Variants in WDR19 observed in about 807,000 individuals in gnomAD.
The protein encoded by WDR19 is WD repeat-containing protein 19.
WDR19 carries 121 observed loss-of-function variants against 180.0 expected under a neutral mutation model. The observed-to-expected ratio is 0.67, with a 90% CI of 0.58 to 0.78. WDR19 has a LOEUF of 0.78. Ranked by LOEUF, WDR19 falls within the 30% of genes least tolerant of loss-of-function variation. The probability of loss-of-function intolerance (pLI) is 0.00; values close to 1 mark genes in which losing one functional copy is unlikely to be tolerated. For missense variants in WDR19, 1,450 were observed against 1,640.7 expected (o/e 0.88, Z 2.01); for synonymous variants, 497 against 540.7 (o/e 0.92, Z 1.12).
At chr4:39,243,928 A>G (rs1231303969) in intron 21 of WDR19, among the ~76,000 whole-genome samples, 1 of 152,208 alleles carries the variant, frequency 6.6e-6, no homozygotes, top group Non-Finnish European at 1.5e-5. Flanking sequence ...AATTTTATTC[A>G]TAGCATTTAT....
chr4:39,256,430 G>A (rs7681071), intron 27 of WDR19, among the ~76,000 whole-genome samples: 2,512 of 152,254 alleles, frequency 0.016, 53 homozygotes, highest in African/African-American at 0.056. Context: ...AGGGACTACT[G>A]AATGGCACAT....
At chr4:39,242,604 C>T (rs1732072726) in intron 21 of WDR19, among the ~76,000 whole-genome samples, 1 of 152,122 alleles carries the variant, frequency 6.6e-6, no homozygotes, top group African/African-American at 2.4e-5. Flanking sequence ...GGGAGGAATG[C>T]TTGACACCAG....
intron 28 of WDR19, among the ~76,000 whole-genome samples, chr4:39,260,029 C>T (rs1474819307): frequency 1.3e-5 from 2 of 151,884 alleles, no homozygotes; most frequent in African/African-American, 4.8e-5. Flanking sequence ...TTTCATCTCC[C>T]TTCCCCTCCC....
At chr4:39,200,978 A>G (rs561372079) in intron 6 of WDR19, among the ~76,000 whole-genome samples, 10 of 152,326 alleles carry the variant, frequency 6.6e-5, no homozygotes, top group African/African-American at 2.2e-4. Context: ...TCTCTCAAAG[A>G]TAGAAGGCTA....
chr4:39,280,002 C>T (rs190498058), intron 36 of WDR19, among the ~76,000 whole-genome samples: 125 of 151,820 alleles, frequency 8.2e-4, no homozygotes, highest in African/African-American at 2.9e-3. Context: ...CACACCCAGC[C>T]GGGTGTTTGT....
intron 4 of WDR19, among the ~76,000 whole-genome samples, chr4:39,191,031 T>G (rs894949060): frequency 3.9e-5 from 6 of 152,238 alleles, no homozygotes; most frequent in Admixed American, 3.3e-4. Flanking sequence ...TGTCTGTTTC[T>G]CCACATCATC....
chr4:39,184,073 T>A (rs1725258673), intron 1 of WDR19, among the ~76,000 whole-genome samples: 1 of 152,200 alleles, frequency 6.6e-6, no homozygotes, highest in Non-Finnish European at 1.5e-5. Context: ...ATAGCCCACC[T>A]CTACTTTCAA....
At chr4:39,234,138 A>G (rs1240253077) in intron 19 of WDR19, among the ~76,000 whole-genome samples, 2 of 152,232 alleles carry the variant, frequency 1.3e-5, no homozygotes, top group Non-Finnish European at 1.5e-5. Context: ...CCCCTAGAAC[A>G]GTATCTGGCA....
At chr4:39,203,991 G>C (rs912483611) in intron 7 of WDR19, among the ~76,000 whole-genome samples, 2 of 152,196 alleles carry the variant, frequency 1.3e-5, no homozygotes, top group African/African-American at 4.8e-5. Context: ...GGGGTACCTT[G>C]CAGAACAGAA....
In WDR19 at chr4:39,202,195, T is replaced by A. The variant is rs180853651; in HGVS notation, c.523-1447T>A. On this transcript the variant is annotated intron_variant, in intron 6 of 36. Coordinates refer to ENST00000399820, the MANE Select transcript of WDR19 (RefSeq NM_025132.4). The stretch of plus-strand genomic sequence containing the variant: ...GTCTCTTAATCTCTCCTCTTCATAG[T>A]TTTATCTTTTTATCACTCTGCAACC... 9.2e-5 allele frequency among the ~76,000 whole-genome samples: 14 copies of A among 152,302 alleles called. No individual in the cohort carries two copies. In the East Asian group the frequency reaches 2.7e-3, roughly 29 times the overall value.
At chr4:39,217,741 A>G (rs1729214769) in intron 13 of WDR19, among the ~76,000 whole-genome samples, 1 of 152,160 alleles carries the variant, frequency 6.6e-6, no homozygotes, top group Non-Finnish European at 1.5e-5. Context: ...TAGGAAGACA[A>G]AGAGATTAAC....
rs377721946 is a variant in WDR19, at chr4:39,244,049, C to T, written c.2422-199C>T. On this transcript the variant is annotated intron_variant, in intron 21 of 36. Coordinates refer to ENST00000399820, the MANE Select transcript of WDR19 (RefSeq NM_025132.4). ...AAAGTTGATCTAGGCTTTCGCAGAA[C>T]AAAATATAATTTTGTAATAGCTGGG... 6.6e-5 allele frequency among the ~76,000 whole-genome samples: 10 copies of T among 151,462 alleles called. No individual in the cohort carries two copies. The East Asian group carries it at 1.5e-3, about 23-fold the overall frequency.
intron 5 of WDR19, among the ~76,000 whole-genome samples, chr4:39,198,455 G>A (rs1324450786): frequency 2.0e-5 from 3 of 152,134 alleles, no homozygotes; most frequent in Non-Finnish European, 4.4e-5. Context: ...CTGCTACTGG[G>A]GAGGCTGAGG....
chr4:39,205,312 G>A, intron 8 of WDR19, 46 bp downstream of exon 8: 1 of 1,436,360 alleles, frequency 7.0e-7, no homozygotes, highest in Non-Finnish European at 9.6e-7. Context: ...ATTACAGAAG[G>A]ACATCTGTAG....
intron 20 of WDR19, among the ~76,000 whole-genome samples, chr4:39,235,089 G>A (rs1731246811): frequency 6.6e-6 from 1 of 151,918 alleles, no homozygotes; most frequent in African/African-American, 2.4e-5. Context: ...ATCTAAGTCT[G>A]GATCTAAGCT....
At chr4:39,278,377 A>G in intron 35 of WDR19, 162 bp from the exon 36 acceptor site, 4 of 829,120 alleles carry the variant, frequency 4.8e-6, no homozygotes, top group Non-Finnish European at 7.5e-6. Flanking sequence ...TTATCTTTAA[A>G]GAGGATCTTG....
chr4:39,228,212 C>A lies in WDR19; in HGVS notation c.1632C>A (p.Val544=). Residue 544 remains valine, a splice_region_variant and synonymous_variant, in exon 16 of 37, where the codon GTC becomes GTA. Transcript: ENST00000399820. ...EKSDGFVYCP[V]NDATYEIPDF... ...AATCTGTAAATTTTATTTTGTAGGT[C>A]AATGACGCTACCTATGAGATTCCAG... 1 of 1,612,000 alleles carries A rather than the reference C, an allele frequency of 6.2e-7. No homozygotes were observed. Among genetic ancestry groups the A allele is most frequent in the South Asian group, 1.1e-5 (1 of 90,864 alleles).
intron 10 of WDR19, among the ~76,000 whole-genome samples, chr4:39,215,482 A>G (rs1315478567): frequency 6.6e-6 from 1 of 152,174 alleles, no homozygotes; most frequent in Non-Finnish European, 1.5e-5. Flanking sequence ...CCTAGGAGCA[A>G]TAGGCTATAC....
Position 39,225,795 on chromosome 4 carries a change from CTTCCT to C in WDR19, c.1629+774_1629+778del, listed in dbSNP as rs1158944273. ...TACTTCCTCCCCATGCCCGCCCCTTCTTCCTTTCCTTTCCTTCCCTTCCCTTTCTC... is the reference window on the plus strand; with the variant it reads ...TACTTCCTCCCCATGCCCGCCCCTTCTTCCTTTCCTTCCCTTCCCTTTCTC... On this transcript the variant is annotated intron_variant, in intron 15 of 36. Transcript: ENST00000399820. 4.6e-5 allele frequency among the ~76,000 whole-genome samples: 7 copies of C among 152,132 alleles called. 1 individual carries two copies. In the South Asian group the frequency reaches 1.5e-3, roughly 32 times the overall value.
Sources: gnomAD v4.1 joint callset for allele counts (sites outside exome capture counted in the v4.1 genomes callset) on GRCh38, gnomAD v4.1.1 for gene constraint, MANE v1.5 for transcripts, NCBI Gene and HGNC (gene_info 2026-07-23, HGNC 2026-07-21) for gene names.